KLHL5: variants seen among roughly 807,000 people sequenced by gnomAD.
KLHL5 encodes the protein kelch-like protein 5.
Under a neutral mutation model 77.7 loss-of-function variants are expected in KLHL5, and 48 were observed. That is an observed-to-expected ratio of 0.62 (90% CI 0.49 to 0.79). The LOEUF (loss-of-function observed/expected upper bound fraction) is 0.79, where lower values mean the gene tolerates loss of function less well. Among genes scored for constraint, KLHL5 ranks in the 30% least tolerant of loss-of-function variants. KLHL5 has a pLI of 0.00. For synonymous variants in KLHL5, 260 were observed against 297.0 expected, an observed-to-expected ratio of 0.88 and a Z score of 1.28; for missense variants, 723 against 859.7, an observed-to-expected ratio of 0.84 and a Z score of 1.99.
intron 10 of KLHL5, among the ~76,000 whole-genome samples, chr4:39,118,025 C>T (rs1417322329): frequency 6.8e-6 from 1 of 147,520 alleles, no homozygotes; most frequent in Non-Finnish European, 1.5e-5. Flanking sequence ...CGTGCCACTG[C>T]ACTCTAGCCT....
chr4:39,133,345 C>T, the KLHL5 span, among the ~76,000 whole-genome samples: 1 of 151,800 alleles, frequency 6.6e-6, no homozygotes, highest in African/African-American at 2.4e-5. Context: ...CATATAATAA[C>T]CTGTGAGTAT....
At chr4:39,088,763 A>G (rs1227088088) in intron 5 of KLHL5, among the ~76,000 whole-genome samples, 1 of 152,220 alleles carries the variant, frequency 6.6e-6, no homozygotes, top group Non-Finnish European at 1.5e-5. Flanking sequence ...GATCCACATT[A>G]TGAATTAGCC....
intron 1 of KLHL5, among the ~76,000 whole-genome samples, chr4:39,056,077 G>C (rs948921136): frequency 2.0e-5 from 3 of 152,188 alleles, no homozygotes; most frequent in Admixed American, 2.0e-4. Context: ...TCTACCATGT[G>C]GTTTGTAGAG....
At chr4:39,080,610 AAT>A (rs1260919665) in intron 2 of KLHL5, among the ~76,000 whole-genome samples, 1 of 151,736 alleles carries the variant, frequency 6.6e-6, no homozygotes, top group East Asian at 1.9e-4. Flanking sequence ...AATTATAAAA[AAT>A]ATAGTTTTAT....
Position 39,062,712 on chromosome 4 carries a change from G to GT in KLHL5, c.63dup (p.Gly22TrpfsTer8). 6.2e-7 allele frequency: 1 copy of GT among 1,614,124 alleles called. No individual in the cohort carries two copies. Among genetic ancestry groups the GT allele is most frequent in the Non-Finnish European group, 8.5e-7 (1 of 1,179,986 alleles). Reference sequence around the variant, plus strand: ...AGATTTTGAAAATCAGATGGAGGTGGTTTGGTCATCAAGCATCATCTCCTA... The same window carrying GT: ...AGATTTTGAAAATCAGATGGAGGTGGTTTTGGTCATCAAGCATCATCTCCTA... On this transcript the variant is annotated frameshift_variant, in exon 1 of 11. Transcript: ENST00000504108. LOFTEE classifies it high-confidence loss of function.
intron 10 of KLHL5, chr4:39,120,172 T>G (rs1227277871): frequency 1.3e-5 from 2 of 152,278 alleles, no homozygotes; most frequent in African/African-American, 4.8e-5. Flanking sequence ...CATGTTAACA[T>G]TTTAACTCTC....
In KLHL5 at chr4:39,107,686, T is replaced by C; in HGVS notation, c.1643T>C (p.Met548Thr). 6.2e-7 allele frequency: 1 copy of C among 1,613,170 alleles called. No individual in the cohort carries two copies. The highest frequency in any genetic ancestry group is 8.5e-7 in the Non-Finnish European group (1 of 1,179,300). ...CGCCAGTGGAATTTTGTTGCCACTATGTCTACCCCTAGGAGTACAGTAGGT... is the reference window on the plus strand; with the variant it reads ...CGCCAGTGGAATTTTGTTGCCACTACGTCTACCCCTAGGAGTACAGTAGGT... Reference protein sequence around the residue: ...QARQWNFVATMSTPRSTVGVA... With the variant: ...QARQWNFVATTSTPRSTVGVA... Residue 548 changes from methionine to threonine, a missense_variant, in exon 8 of 11, where the codon ATG becomes ACG. By Grantham distance (81) the Met-to-Thr change is moderately conservative (BLOSUM62 -1). Coordinates refer to ENST00000504108, the MANE Select transcript of KLHL5 (RefSeq NM_015990.5).
At chr4:39,054,518 A>G (rs1383438344) in intron 1 of KLHL5, among the ~76,000 whole-genome samples, 1 of 152,218 alleles carries the variant, frequency 6.6e-6, no homozygotes, top group Non-Finnish European at 1.5e-5. Context: ...AGCTGCTGCT[A>G]TAAATCCTGA....
intron 5 of KLHL5, among the ~76,000 whole-genome samples, chr4:39,088,831 G>A (rs998914469): frequency 9.9e-5 from 15 of 152,144 alleles, no homozygotes; most frequent in African/African-American, 3.4e-4. Context: ...TCATCATGAA[G>A]TCATGAGCAA....
At chr4:39,046,564 C>T (rs1047484114) in intron 1 of KLHL5, among the ~76,000 whole-genome samples, 3 of 152,114 alleles carry the variant, frequency 2.0e-5, no homozygotes, top group Non-Finnish European at 4.4e-5. Context: ...GCCTGGGCAA[C>T]ATAGTGAGAC....
At chr4:39,053,719 A>G (rs190713174) in intron 1 of KLHL5, among the ~76,000 whole-genome samples, 1 of 152,350 alleles carries the variant, frequency 6.6e-6, no homozygotes, top group Admixed American at 6.5e-5. Context: ...GTTATATCAT[A>G]GTAGTATCAG....
rs59610481 is a variant in KLHL5, at chr4:39,053,375, T to A, written c.-95+8279T>A. On this transcript the variant is annotated intron_variant, in intron 1 of 11. Transcript: ENST00000261425. ...TGATTCATTATTTTTCAGAAAAAAT[T>A]TTTTTTAATCTCCATCACCATAAAG... 3.9e-5 allele frequency among the ~76,000 whole-genome samples: 6 copies of A among 152,138 alleles called. No homozygotes were observed. The South Asian group carries it at 6.2e-4, about 16-fold the overall frequency.
upstream of KLHL5, among the ~76,000 whole-genome samples, chr4:39,061,585 C>T (rs747317886): frequency 6.6e-6 from 1 of 152,076 alleles, no homozygotes; most frequent in Non-Finnish European, 1.5e-5. Flanking sequence ...TTTGTATTTG[C>T]TTTATCAATT....
the KLHL5 span, among the ~76,000 whole-genome samples, chr4:39,139,389 GA>G: frequency 2.6e-5 from 4 of 152,088 alleles, no homozygotes; most frequent in African/African-American, 7.2e-5. Context: ...GGGGTTAGGG[GA>G]GAGGGAAGGA....
At chr4:39,116,982 G>A (rs768203303) in intron 10 of KLHL5, among the ~76,000 whole-genome samples, 1 of 152,046 alleles carries the variant, frequency 6.6e-6, no homozygotes, top group African/African-American at 2.4e-5. Flanking sequence ...GATTACAGGT[G>A]CCCGCCACCA....
upstream of KLHL5, among the ~76,000 whole-genome samples, chr4:39,060,441 T>TACCACCACCATCACC (rs1553887011): frequency 6.7e-6 from 1 of 148,850 alleles, no homozygotes; most frequent in Non-Finnish European, 1.5e-5. Flanking sequence ...ACTAAAAATC[T>TACCACCACCATCACC]ACCACCACCA....
At chr4:39,120,865 G>A in intron 10 of KLHL5, 145 bp from the exon 11 acceptor site, 1 of 624,448 alleles carries the variant, frequency 1.6e-6, no homozygotes, top group Non-Finnish European at 2.8e-6. Flanking sequence ...AAGGGGACCA[G>A]GCCAGAAACA....
intron 6 of KLHL5, 72 bp downstream of exon 6, chr4:39,096,950 A>G (rs572985318): frequency 7.9e-7 from 1 of 1,268,254 alleles, no homozygotes; most frequent in Admixed American, 2.0e-5. Flanking sequence ...ATATATGGCC[A>G]AAGAACTCTT....
intron 10 of KLHL5, chr4:39,115,879 T>C (rs1000455404): frequency 2.0e-6 from 2 of 992,174 alleles, no homozygotes; most frequent in South Asian, 4.6e-5. Flanking sequence ...CTTCTAAAAA[T>C]GATCTTTTGA....
Sources: gnomAD v4.1 joint callset for allele counts (sites outside exome capture counted in the v4.1 genomes callset) on GRCh38, gnomAD v4.1.1 for gene constraint, MANE v1.5 for transcripts, NCBI Gene and HGNC (gene_info 2026-07-23, HGNC 2026-07-21) for gene names.